PADI2: variants seen among roughly 807,000 people sequenced by gnomAD.
PADI2 encodes the protein protein-arginine deiminase type-2.
Under a neutral mutation model 81.1 loss-of-function variants are expected in PADI2, and 70 were observed. The observed-to-expected ratio is 0.86, with a 90% confidence interval of 0.71 to 1.05. The LOEUF (loss-of-function observed/expected upper bound fraction) is 1.05. Ranked by LOEUF, PADI2 falls within the 50% of genes least tolerant of loss-of-function variation. The pLI is 0.00. For synonymous variants in PADI2, 338 were observed against 358.0 expected (o/e 0.94, Z 0.63); for missense variants, 853 against 889.9 (o/e 0.96, Z 0.53).
chr1:17,084,515 G>A (rs761427), intron 8 of PADI2, 84 bp downstream of exon 8: 53,079 of 755,308 alleles, frequency 0.07, 2,330 homozygotes, highest in Middle Eastern at 0.17. Flanking sequence ...TAAGTGACGG[G>A]GCCAGGAACT....
Position 17,084,696 on chromosome 1 carries a change from G to A in PADI2, c.841C>T (p.Pro281Ser), listed in dbSNP as rs771442268. ...GTGTCCGTGAAGATGGGAGTCAGGGGAATGTCCTGGGTGTGGGAGACAAGG... is the reference window on the plus strand; with the variant it reads ...GTGTCCGTGAAGATGGGAGTCAGGGAAATGTCCTGGGTGTGGGAGACAAGG... ...SLLEYMAQDI[P>S]LTPIFTDTVI... is the part of the protein sequence containing the mutation. Residue 281 changes from proline to serine, a missense_variant, in exon 8 of 16, where the codon CCC becomes TCC. Physicochemically the swap from Pro to Ser is moderately conservative, Grantham distance 74 (BLOSUM62 -1). Transcript: ENST00000375486. 13 of 1,553,530 alleles carry A rather than the reference G, an allele frequency of 8.4e-6. No individual in the cohort carries two copies. The highest frequency in any genetic ancestry group is 1.9e-5 in the Admixed American group (1 of 51,426).
Position 17,119,290 on chromosome 1 carries a change from C to T in PADI2, c.82G>A (p.Asp28Asn). 2 of 1,546,632 alleles carry T rather than the reference C, an allele frequency of 1.3e-6. No homozygotes were observed. The highest frequency in any genetic ancestry group is 1.7e-6 in the Non-Finnish European group (2 of 1,146,108). Residue 28 changes from aspartate to asparagine, a missense_variant, in exon 1 of 16, where the codon GAT becomes AAT. Transcript: ENST00000375486. This position sits in a 1 kb window ranked among gnomAD's most constrained non-coding sequence, Gnocchi z 4.8. ...VYVLGTYLWT[D>N]VYSAAPAGAQ... ...GGTGGGCCGGCTCACCTGTAGACAT[C>T]GGTCCAGAGGTAGGTGCCCAGCACG...
intron 1 of PADI2, among the ~76,000 whole-genome samples, chr1:17,107,971 A>C (rs1235309030): frequency 5.3e-5 from 7 of 133,202 alleles, no homozygotes; most frequent in Non-Finnish European, 7.9e-5. Flanking sequence ...TTTTTTGAGG[A>C]GGAGTCTCTC....
chr1:17,103,332 G>A (rs1379770232), intron 2 of PADI2, among the ~76,000 whole-genome samples: 1 of 152,190 alleles, frequency 6.6e-6, no homozygotes, highest in Non-Finnish European at 1.5e-5. Context: ...TCTGCTGCCT[G>A]GGGTCCCCCA....
intron 8 of PADI2, among the ~76,000 whole-genome samples, chr1:17,084,156 C>T (rs1200689456): frequency 6.6e-6 from 1 of 152,186 alleles, no homozygotes; most frequent in Non-Finnish European, 1.5e-5. Flanking sequence ...ATGGGATGGA[C>T]GTGAGGACCC....
At chr1:17,090,931 C>A (rs1441879432) in intron 6 of PADI2, among the ~76,000 whole-genome samples, 2 of 152,022 alleles carry the variant, frequency 1.3e-5, no homozygotes, top group Admixed American at 1.3e-4. Flanking sequence ...GTCACGACAC[C>A]AAGGTCAAGA....
intron 7 of PADI2, among the ~76,000 whole-genome samples, chr1:17,085,210 CTGTTT>C (rs1298969335): frequency 6.6e-6 from 1 of 152,172 alleles, no homozygotes; most frequent in Non-Finnish European, 1.5e-5. Context: ...TATGTCCAGA[CTGTTT>C]TGTTTTAAGG....
intron 3 of PADI2, among the ~76,000 whole-genome samples, chr1:17,102,693 C>G (rs1418250372): frequency 6.6e-6 from 1 of 151,192 alleles, no homozygotes; most frequent in African/African-American, 2.4e-5. Context: ...CAGGGGGAAA[C>G]ACACTTCACC....
At chr1:17,105,114 A>AGG (rs1318939785) in intron 1 of PADI2, 53 bp from the exon 2 acceptor site, 2 of 1,289,798 alleles carry the variant, frequency 1.6e-6, no homozygotes, top group Non-Finnish European at 1.0e-6. Flanking sequence ...AGGTGGGATG[A>AGG]GGGGCTTCAA....
At chr1:17,074,244 T>C (rs137944311) in intron 13 of PADI2, among the ~76,000 whole-genome samples, 26 of 151,920 alleles carry the variant, frequency 1.7e-4, no homozygotes, top group African/African-American at 6.3e-4. Context: ...AAAAAAAAAT[T>C]AGCTGGGCAT....
At chr1:17,078,673 C>A (rs1251632704) in intron 11 of PADI2, among the ~76,000 whole-genome samples, 1 of 152,148 alleles carries the variant, frequency 6.6e-6, no homozygotes, top group Admixed American at 6.5e-5. Context: ...TAGGCATGGG[C>A]CACTGTGCCC....
In PADI2 at chr1:17,067,831, A is replaced by T. The variant is rs1228486771; in HGVS notation, c.*1213T>A. ...CATTGGTTATAAATCGGTTCTTCAAAATGGGATTATAATTCATTTATTCTT... is the reference window on the plus strand; with the variant it reads ...CATTGGTTATAAATCGGTTCTTCAATATGGGATTATAATTCATTTATTCTT... On this transcript the variant is annotated 3_prime_UTR_variant, in exon 16 of 16. Coordinates refer to ENST00000375486, the MANE Select transcript of PADI2 (RefSeq NM_007365.3). 1 of 152,272 alleles carries T rather than the reference A, an allele frequency of 6.6e-6. No homozygotes were observed. Among genetic ancestry groups the T allele is most frequent in the African/African-American group, 2.4e-5 (1 of 41,476 alleles). The allele number at this position is 152,272 out of a possible 1,614,324, so 9.4% of individuals were successfully genotyped here.
At chr1:17,082,202 A>G (rs1479142683) in intron 10 of PADI2, among the ~76,000 whole-genome samples, 3 of 152,206 alleles carry the variant, frequency 2.0e-5, no homozygotes, top group Non-Finnish European at 4.4e-5. Flanking sequence ...TGACAATTGC[A>G]TAACTATGTT....
chr1:17,092,741 G>A (rs934644054), intron 5 of PADI2, among the ~76,000 whole-genome samples: 1 of 151,464 alleles, frequency 6.6e-6, no homozygotes, highest in Non-Finnish European at 1.5e-5. Context: ...TTAAGGCCAG[G>A]AGACAAACAC....
At chr1:17,107,855 C>A (rs1931440171) in intron 1 of PADI2, among the ~76,000 whole-genome samples, 2 of 152,128 alleles carry the variant, frequency 1.3e-5, no homozygotes, top group Admixed American at 1.3e-4. Flanking sequence ...TGGTTCTTGT[C>A]CTGCCCCCTT....
chr1:17,078,137 G>A (rs1156905428), intron 11 of PADI2, among the ~76,000 whole-genome samples: 1 of 152,130 alleles, frequency 6.6e-6, no homozygotes, highest in East Asian at 1.9e-4. Context: ...TTGAGACGCA[G>A]TTTCACTCTT....
intron 5 of PADI2, 59 bp from the exon 6 acceptor site, chr1:17,092,592 A>G (rs1414591461): frequency 1.4e-6 from 2 of 1,458,740 alleles, no homozygotes; most frequent in Non-Finnish European, 1.8e-6. Flanking sequence ...TCAGCTTCCC[A>G]ATGCCTTTTA....
chr1:17,103,594 C>T (rs1931230172), intron 2 of PADI2, among the ~76,000 whole-genome samples: 1 of 152,116 alleles, frequency 6.6e-6, no homozygotes. Flanking sequence ...GGTTCTGAGC[C>T]TCTAAACTTT....
chr1:17,068,530 T>A lies in PADI2; in HGVS notation c.*514A>T, dbSNP rs1176575899. On this transcript the variant is annotated 3_prime_UTR_variant, in exon 16 of 16. Transcript: ENST00000375486. ...ATTTGAGAGGTTGGTAAGGAATGAA[T>A]AATTGGGGGTGGCCACCTGGAAACC... The A allele has an allele frequency of 6.1e-6, 1 of 164,374 alleles. No individual in the cohort carries two copies. The highest frequency in any genetic ancestry group is 1.3e-5 in the Non-Finnish European group (1 of 75,190). 10.2% of individuals were successfully genotyped at this position (164,374 alleles called of 1,614,324 possible).
Sources: allele counts gnomAD v4.1 joint callset (sites outside exome capture counted in the v4.1 genomes callset), GRCh38; gene constraint gnomAD v4.1.1; non-coding constraint Gnocchi (gnomAD v3.1); transcripts MANE v1.5; gene names NCBI Gene and HGNC (gene_info 2026-07-23, HGNC 2026-07-21).